The following SKA1 variants were observed in gnomAD, a reference collection of about 807,000 sequenced individuals.
SKA1 encodes the protein SKA complex subunit 1.
SKA1 carries 20 observed loss-of-function variants against 31.8 expected under a neutral mutation model. The observed-to-expected ratio is 0.63, with a 90% CI of 0.44 to 0.91. The LOEUF is 0.91. SKA1 is among the 40% of genes least tolerant of loss of function. The probability of loss-of-function intolerance (pLI) is 0.00; values close to 1 mark genes in which losing one functional copy is unlikely to be tolerated. For missense variants in SKA1, 253 were observed against 298.2 expected, an observed-to-expected ratio of 0.85 and a Z score of 1.12; for synonymous variants, 88 against 100.5, an observed-to-expected ratio of 0.88 and a Z score of 0.74.
intron 2 of SKA1, among the ~76,000 whole-genome samples, chr18:50,379,474 C>CCA (rs1379456322): frequency 6.6e-6 from 1 of 152,128 alleles, no homozygotes; most frequent in Non-Finnish European, 1.5e-5. Context: ...CCCACCCCTT[C>CCA]CACACACACA....
intron 2 of SKA1, among the ~76,000 whole-genome samples, chr18:50,379,129 T>A (rs1464814748): frequency 1.3e-5 from 2 of 152,222 alleles, no homozygotes; most frequent in Non-Finnish European, 2.9e-5. Flanking sequence ...GAAATGCAGA[T>A]GGGAAGCTTC....
At chr18:50,385,422 T>G in intron 5 of SKA1, 69 bp downstream of exon 5, 1 of 1,253,284 alleles carries the variant, frequency 8.0e-7, no homozygotes, top group South Asian at 1.6e-5. Flanking sequence ...TAATAAAGCT[T>G]AATTATATTA....
At chr18:50,381,091 G>A (rs538088028) in intron 3 of SKA1, among the ~76,000 whole-genome samples, 1 of 152,318 alleles carries the variant, frequency 6.6e-6, no homozygotes, top group South Asian at 2.1e-4. Flanking sequence ...ACCAATACCG[G>A]CATTTCAGTT....
intron 3 of SKA1, among the ~76,000 whole-genome samples, chr18:50,380,978 G>A (rs2041257682): frequency 6.6e-6 from 1 of 152,212 alleles, no homozygotes; most frequent in South Asian, 2.1e-4. Context: ...CTATAGGAAT[G>A]GGCATGATTA....
intron 2 of SKA1, among the ~76,000 whole-genome samples, chr18:50,376,631 C>T (rs2041218005): frequency 6.6e-6 from 1 of 152,134 alleles, no homozygotes; most frequent in Non-Finnish European, 1.5e-5. Context: ...TTATGCTACA[C>T]TAAATTTATA....
chr18:50,385,176 C>T (rs981395792), intron 4 of SKA1, 40 bp from the exon 5 acceptor site: 3 of 1,513,748 alleles, frequency 2.0e-6, no homozygotes, highest in Non-Finnish European at 2.7e-6. Flanking sequence ...CTGCTTATTT[C>T]TGAAAATTGC....
chr18:50,375,499 C>A (rs1202950720), intron 1 of SKA1, among the ~76,000 whole-genome samples: 1 of 152,132 alleles, frequency 6.6e-6, no homozygotes, highest in Non-Finnish European at 1.5e-5. Context: ...CCTTATTTTG[C>A]GTGTTTAAAG....
At chr18:50,391,392 G>A in intron 6 of SKA1, 99 bp downstream of exon 6, 1 of 1,179,216 alleles carries the variant, frequency 8.5e-7, no homozygotes, top group Non-Finnish European at 1.1e-6. Flanking sequence ...AATCTAGAGT[G>A]TTAATTCCCA....
chr18:50,383,924 G>A (rs776658762), intron 4 of SKA1, among the ~76,000 whole-genome samples: 5 of 152,266 alleles, frequency 3.3e-5, no homozygotes, highest in East Asian at 1.9e-4. Flanking sequence ...TCTTGACAGC[G>A]TGCAGCGTGG....
At position 50,375,102 on chromosome 18, in the gene SKA1, C is replaced by G. The variant is rs2149317940; in HGVS notation, c.-104C>G. ...CGGTTTGAATTTTGCTTACAGAGTC[C>G]CGTCTCACCATCCTGGGCTTCCAAC... On this transcript the variant is annotated 5_prime_UTR_variant, in exon 1 of 7. Coordinates refer to ENST00000285116, the MANE Select transcript of SKA1 (RefSeq NM_145060.4). 1 of 152,538 alleles carries G rather than the reference C, an allele frequency of 6.6e-6. No homozygotes were observed. The highest frequency in any genetic ancestry group is 1.5e-5 in the Non-Finnish European group (1 of 68,188). The allele number at this position is 152,538 out of a possible 1,614,324, so 9.4% of individuals were successfully genotyped here. A position where few individuals can be genotyped will look rare whatever the true frequency, so the allele number is the denominator to read the frequency against.
At chr18:50,391,365 A>T in intron 6 of SKA1, 72 bp downstream of exon 6, 6 of 1,288,276 alleles carry the variant, frequency 4.7e-6, no homozygotes, top group Non-Finnish European at 3.0e-6. Flanking sequence ...AAATGTAGCT[A>T]GTTCTAGAAA....
rs1174880581 is a variant in SKA1 at position 50,375,186 on chromosome 18, G to C, written c.-20G>C. 2 of 152,484 alleles carry C rather than the reference G, an allele frequency of 1.3e-5. No homozygotes were observed. Among genetic ancestry groups the C allele is most frequent in the Non-Finnish European group, 2.9e-5 (2 of 68,260 alleles). 9.4% of individuals were successfully genotyped at this position (152,484 alleles called of 1,614,324 possible). A position where few individuals can be genotyped will look rare whatever the true frequency, so the allele number is the denominator to read the frequency against. ...GGCGAGTAGCCTTTTGCTCCCGGAC[G>C]GACTTGAGGTTGGAGTCTGTGTGTT... On this transcript the variant is annotated 5_prime_UTR_variant, in exon 1 of 7. Coordinates refer to ENST00000285116, the MANE Select transcript of SKA1 (RefSeq NM_145060.4).
chr18:50,380,088 A>G lies in SKA1; in HGVS notation c.89-38A>G, dbSNP rs7243020. 7.6e-3 allele frequency: 11,121 copies of G among 1,460,396 alleles called. 549 individuals carry two copies. The African/African-American group carries it at 0.12, about 16-fold the overall frequency. 90.5% of individuals were successfully genotyped at this position (1,460,396 alleles called of 1,614,324 possible). Reference sequence around the variant, plus strand: ...GAGTACTTATAGCTACTGCTTTTCTATACACTTTGTTTTCTATTTTATTTT... The same window carrying G: ...GAGTACTTATAGCTACTGCTTTTCTGTACACTTTGTTTTCTATTTTATTTT... On this transcript the variant is annotated intron_variant, in intron 2 of 6. Transcript: ENST00000285116.
rs2041278029 is a variant in SKA1 at position 50,383,392 on chromosome 18, T to C, written c.311+1166T>C. ...TCTCCCCTTTTTTAAATTATAGATC[T>C]CTCCTACCTGCTTTACTCATTCTTA... On this transcript the variant is annotated intron_variant, in intron 4 of 6. Transcript: ENST00000285116. 2.0e-5 allele frequency among the ~76,000 whole-genome samples: 3 copies of C among 152,184 alleles called. No individual in the cohort carries two copies. The South Asian group carries it at 6.2e-4, about 31-fold the overall frequency.
intron 3 of SKA1, 140 bp from the exon 4 acceptor site, chr18:50,381,989 T>C: frequency 1.7e-6 from 1 of 576,532 alleles, no homozygotes. Context: ...CCTCCCAAGG[T>C]GCTGGGATTA....
intron 2 of SKA1, among the ~76,000 whole-genome samples, chr18:50,376,651 A>T (rs1420576664): frequency 6.6e-6 from 1 of 152,152 alleles, no homozygotes; most frequent in Non-Finnish European, 1.5e-5. Context: ...AAAAAATGAA[A>T]AACTTTCTTC....
intron 2 of SKA1, among the ~76,000 whole-genome samples, chr18:50,379,542 C>A (rs955654471): frequency 6.6e-6 from 1 of 152,228 alleles, no homozygotes; most frequent in African/African-American, 2.4e-5. Flanking sequence ...ACAACTTTCA[C>A]TGAAAATATA....
At chr18:50,380,514 T>C (rs991458015) in intron 3 of SKA1, among the ~76,000 whole-genome samples, 1 of 152,202 alleles carries the variant, frequency 6.6e-6, no homozygotes, top group African/African-American at 2.4e-5. Context: ...ATTTAAACAA[T>C]GATGTTCTAG....
chr18:50,392,191 T>A lies in SKA1; in HGVS notation c.712T>A (p.Cys238Ser). 6.2e-7 allele frequency: 1 copy of A among 1,607,866 alleles called. No individual in the cohort carries two copies. The highest frequency in any genetic ancestry group is 8.5e-7 in the Non-Finnish European group (1 of 1,178,826). The change falls in exon 7 of 7, where the codon TGC becomes AGC. Residue 238 changes from cysteine (C) to serine (S), a missense_variant. Cys to Ser is a moderately radical substitution (Grantham distance 112). Coordinates refer to ENST00000285116, the MANE Select transcript of SKA1 (RefSeq NM_145060.4). ...FHVLLNILRH[C>S]RRLSEVRGGG... The stretch of plus-strand genomic sequence containing the variant: ...CGTGTTACTGAATATTTTACGACAC[T>A]GCCGGAGGCTATCAGAGGTCCGAGG...
Sources: allele counts gnomAD v4.1 joint callset (sites outside exome capture counted in the v4.1 genomes callset), GRCh38; gene constraint gnomAD v4.1.1; transcripts MANE v1.5; gene names NCBI Gene and HGNC (gene_info 2026-07-23, HGNC 2026-07-21).